Variants in RTTN observed in about 807,000 individuals in gnomAD.
RTTN encodes rotatin.
In RTTN, 182 loss-of-function variants were observed where a neutral mutation model predicts 269.2. That is an observed-to-expected ratio of 0.68 (90% confidence interval 0.60 to 0.76). The LOEUF is 0.76. Among genes scored for constraint, RTTN ranks in the 30% least tolerant of loss-of-function variants. The probability of loss-of-function intolerance (pLI) is 0.00; values close to 1 mark genes in which losing one functional copy is unlikely to be tolerated. For missense variants in RTTN, 2,545 were observed against 2,608.6 expected, an observed-to-expected ratio of 0.98 and a Z score of 0.53; for synonymous variants, 1,006 against 963.5, an observed-to-expected ratio of 1.04 and a Z score of -0.82.
At chr18:70,151,129 A>C (rs576291633) in intron 14 of RTTN, among the ~76,000 whole-genome samples, 1 of 148,754 alleles carries the variant, frequency 6.7e-6, no homozygotes, top group Admixed American at 6.7e-5. Context: ...GTTATGGGAG[A>C]CATAACTTTA....
intron 3 of RTTN, among the ~76,000 whole-genome samples, chr18:70,202,205 G>A (rs1404182974): frequency 6.6e-6 from 1 of 152,088 alleles, no homozygotes; most frequent in Admixed American, 6.5e-5. Context: ...CACTTTTACT[G>A]TTAGCCAAAC....
chr18:70,024,687 G>T (rs1313944504), intron 44 of RTTN, 35 bp downstream of exon 44: 2 of 1,551,416 alleles, frequency 1.3e-6, no homozygotes, highest in South Asian at 2.3e-5. Flanking sequence ...TAGTATTTTG[G>T]TATATTATTG....
chr18:70,178,207 C>T (rs1377375241), intron 10 of RTTN, among the ~76,000 whole-genome samples: 1 of 151,906 alleles, frequency 6.6e-6, no homozygotes, highest in Non-Finnish European at 1.5e-5. Flanking sequence ...CAGGCCTTGG[C>T]GACAGAGCAA....
intron 16 of RTTN, 131 bp downstream of exon 16, chr18:70,149,840 T>C: frequency 1.4e-6 from 1 of 701,938 alleles, no homozygotes; most frequent in Non-Finnish European, 2.6e-6. Flanking sequence ...CCTGTTCACT[T>C]ATCCCCAGCG....
intron 14 of RTTN, among the ~76,000 whole-genome samples, chr18:70,152,602 C>T (rs2060567776): frequency 6.6e-6 from 1 of 152,076 alleles, no homozygotes; most frequent in South Asian, 2.1e-4. Flanking sequence ...AGAATTCTAC[C>T]CAATCCACAA....
chr18:70,045,387 T>G (rs554388032), intron 40 of RTTN, among the ~76,000 whole-genome samples: 19 of 152,302 alleles, frequency 1.2e-4, no homozygotes, highest in African/African-American at 4.3e-4. Flanking sequence ...TGAGTATGAT[T>G]TTACAGAAAA....
chr18:70,034,208 T>C (rs1317852913), intron 40 of RTTN, among the ~76,000 whole-genome samples: 1 of 152,112 alleles, frequency 6.6e-6, no homozygotes, highest in Non-Finnish European at 1.5e-5. Flanking sequence ...ATTCATTCTA[T>C]GAGGCTAGCA....
chr18:70,160,100 T>G (rs2060786138), intron 14 of RTTN, among the ~76,000 whole-genome samples: 1 of 152,120 alleles, frequency 6.6e-6, no homozygotes, highest in Non-Finnish European at 1.5e-5. Flanking sequence ...AGCATCATCC[T>G]GATACCAAAC....
At chr18:70,063,408 G>A (rs188387464) in intron 35 of RTTN, among the ~76,000 whole-genome samples, 194 of 152,142 alleles carry the variant, frequency 1.3e-3, no homozygotes, top group African/African-American at 4.3e-3. Context: ...TTTTACATGA[G>A]AGTTTGTGTT....
At chr18:70,074,525 CAA>C (rs1273557289) in intron 33 of RTTN, among the ~76,000 whole-genome samples, 2 of 151,890 alleles carry the variant, frequency 1.3e-5, no homozygotes, top group Non-Finnish European at 2.9e-5. Flanking sequence ...TTAAATGGCT[CAA>C]AAAGAGTATA....
At chr18:70,146,052 TA>T (rs1463935791) in intron 17 of RTTN, among the ~76,000 whole-genome samples, 1 of 152,194 alleles carries the variant, frequency 6.6e-6, no homozygotes, top group Non-Finnish European at 1.5e-5. Flanking sequence ...TAAATATCAG[TA>T]AACTTCAATA....
In RTTN at chr18:70,114,482, C is replaced by G; in HGVS notation, c.3646G>C (p.Asp1216His). ...QLQKELIALFDTLLLNFMEVT... is the reference protein window; with the variant it reads ...QLQKELIALFHTLLLNFMEVT... ...TCCATGAAATTGAGCAGCAAGGTAT[C>G]AAAAAGAGCAATCAGTTCTTTCTGA... The change falls in exon 27 of 49, where the codon GAT becomes CAT. Residue 1216 changes from aspartate (D) to histidine (H), a missense_variant. Asp to His is a moderately conservative substitution (Grantham distance 81). Transcript: ENST00000640769. 6.2e-7 allele frequency: 1 copy of G among 1,613,250 alleles called. No homozygotes were observed. Among genetic ancestry groups the G allele is most frequent in the Admixed American group, 1.7e-5 (1 of 59,970 alleles).
chr18:70,094,197 T>C (rs890214346), intron 28 of RTTN, among the ~76,000 whole-genome samples: 4 of 152,234 alleles, frequency 2.6e-5, no homozygotes, highest in Admixed American at 6.5e-5. Flanking sequence ...TTCTTCTTTA[T>C]TAGTCAGGCT....
intron 40 of RTTN, among the ~76,000 whole-genome samples, chr18:70,047,092 A>G (rs2057512662): frequency 6.6e-6 from 1 of 152,232 alleles, no homozygotes; most frequent in Non-Finnish European, 1.5e-5. Flanking sequence ...ATAACAAATC[A>G]GCACAGGAAC....
At chr18:70,156,797 C>T (rs932625796) in intron 14 of RTTN, among the ~76,000 whole-genome samples, 33 of 152,248 alleles carry the variant, frequency 2.2e-4, no homozygotes, top group Admixed American at 1.9e-3. Flanking sequence ...CTGATAGGTG[C>T]CCATCACCCA....
intron 39 of RTTN, among the ~76,000 whole-genome samples, chr18:70,049,219 G>A (rs2057584555): frequency 6.6e-6 from 1 of 152,152 alleles, no homozygotes. Context: ...GTAAGTGAGT[G>A]TGGCTATGTT....
At chr18:70,120,625 T>A (rs1195732199) in intron 26 of RTTN, among the ~76,000 whole-genome samples, 4 of 152,168 alleles carry the variant, frequency 2.6e-5, no homozygotes, top group African/African-American at 9.7e-5. Flanking sequence ...GTTGAGTAAA[T>A]TCATACGGTA....
intron 25 of RTTN, among the ~76,000 whole-genome samples, chr18:70,122,569 A>G (rs2059767006): frequency 6.6e-6 from 1 of 152,140 alleles, no homozygotes; most frequent in African/African-American, 2.4e-5. Flanking sequence ...CCTCTATTTC[A>G]AAGACAAGAA....
At chr18:70,167,162 A>G (rs1434878887) in intron 12 of RTTN, 131 bp from the exon 13 acceptor site, 5 of 617,138 alleles carry the variant, frequency 8.1e-6, no homozygotes, top group Non-Finnish European at 1.4e-5. Context: ...GTTTAAGTCC[A>G]CTTTCTCATC....
Sources: allele counts gnomAD v4.1 joint callset (sites outside exome capture counted in the v4.1 genomes callset), GRCh38; gene constraint gnomAD v4.1.1; transcripts MANE v1.5; gene names NCBI Gene and HGNC (gene_info 2026-07-23, HGNC 2026-07-21).